The following SNRNP200 variants were observed in gnomAD, a reference collection of about 807,000 sequenced individuals.
The protein encoded by SNRNP200 is small nuclear ribonucleoprotein U5 subunit 200.
Under a neutral mutation model 255.2 loss-of-function variants are expected in SNRNP200, and 66 were observed. The observed-to-expected ratio is 0.26, with a 90% CI of 0.21 to 0.32. The LOEUF (loss-of-function observed/expected upper bound fraction) is 0.32, where lower values mean the gene tolerates loss of function less well. Ranked by LOEUF, SNRNP200 falls within the 10% of genes least tolerant of loss-of-function variation. SNRNP200 has a pLI of 1.00. For synonymous variants in SNRNP200, 939 were observed against 1,027.8 expected (o/e 0.91, Z 1.65); for missense variants, 1,585 against 2,749.8 (o/e 0.58, Z 9.47).
rs74911037 is a variant in SNRNP200 at position 96,285,901 on chromosome 2, A to G, written c.4003+410T>C. ...ATTCCTTTTAGGCTTGATGGGAGGA[A>G]TAAGAGAGAAAACACCGGTGATGTA... On this transcript the variant is annotated intron_variant, in intron 29 of 44. Transcript: ENST00000323853. Among the ~76,000 whole-genome samples, 33 of 152,308 alleles carry G rather than the reference A, an allele frequency of 2.2e-4. 1 individual carries two copies. The East Asian group carries it at 6.0e-3, about 28-fold the overall frequency.
chr2:96,289,802 G>A lies in SNRNP200; in HGVS notation c.2937C>T (p.Phe979=). Residue 979 remains phenylalanine, a synonymous_variant, in exon 21 of 45, where the codon TTC becomes TTT. Coordinates refer to ENST00000323853, the MANE Select transcript of SNRNP200 (RefSeq NM_014014.5). ...TCAAAACCCTCACCCCACGCACCTG[G>A]AAGTTGCCCGTCTTCTTGTCGTACT... ...LVKYDKKTGN[F]QVTELGRIAS... 1.2e-6 allele frequency: 2 copies of A among 1,614,004 alleles called. No homozygotes were observed. The highest frequency in any genetic ancestry group is 1.7e-6 in the Non-Finnish European group (2 of 1,180,018).
chr2:96,288,206 A>G (rs574313586), intron 24 of SNRNP200, among the ~76,000 whole-genome samples: 4 of 152,324 alleles, frequency 2.6e-5, no homozygotes, highest in African/African-American at 7.2e-5. Flanking sequence ...TTAACCTAAC[A>G]TTCACTGCAT....
In SNRNP200 at chr2:96,283,981, G is replaced by A. The variant is rs370894582; in HGVS notation, c.4416C>T (p.Ser1472=). The part of the protein sequence containing the change: ...ENGPVLEVIC[S]RMRYISSQIE... Reference sequence around the variant, plus strand: ...TCTGGGAGGAGATGTAGCGCATTCGGGAGCAGATCACTTCTAAGACAGGCT... The same window carrying A: ...TCTGGGAGGAGATGTAGCGCATTCGAGAGCAGATCACTTCTAAGACAGGCT... The change falls in exon 32 of 45, where the codon TCC becomes TCT. Residue 1472 remains serine, a synonymous_variant. Coordinates refer to ENST00000323853, the MANE Select transcript of SNRNP200 (RefSeq NM_014014.5). This position sits in a 1 kb window ranked among gnomAD's most constrained non-coding sequence, Gnocchi z 4.7. The A allele has an allele frequency of 5.0e-6, 8 of 1,595,628 alleles. No individual in the cohort carries two copies. The African/African-American group carries it at 1.1e-4, about 21-fold the overall frequency.
chr2:96,289,705 G>T (rs1043984039), intron 21 of SNRNP200, 94 bp downstream of exon 21: 9 of 1,069,672 alleles, frequency 8.4e-6, no homozygotes, highest in Non-Finnish European at 1.3e-5. Context: ...GATTAGATAG[G>T]CAGTACTCAC....
intron 5 of SNRNP200, among the ~76,000 whole-genome samples, chr2:96,299,825 T>C (rs1407966823): frequency 6.6e-6 from 1 of 152,232 alleles, no homozygotes; most frequent in Non-Finnish European, 1.5e-5. Flanking sequence ...TATTTACTCA[T>C]ACACTGCACA....
In SNRNP200 at chr2:96,305,380, A is replaced by G. The variant is rs1411207250; in HGVS notation, c.45+13T>C. ...CTCCTGAGCCTGGAATCCTTCCCCA[A>G]GACCAAACGCACCGCCTTGTACTCG... On this transcript the variant is annotated intron_variant, in intron 1 of 44. Transcript: ENST00000323853. The G allele has an allele frequency of 1.9e-6, 3 of 1,614,042 alleles. No individual in the cohort carries two copies.
chr2:96,274,785 C>T lies in SNRNP200; in HGVS notation c.*227G>A. 1.7e-6 allele frequency: 1 copy of T among 582,908 alleles called. No individual in the cohort carries two copies. Among genetic ancestry groups the T allele is most frequent in the Non-Finnish European group, 3.1e-6 (1 of 325,374 alleles). 36.1% of individuals were successfully genotyped at this position (582,908 alleles called of 1,614,324 possible). On this transcript the variant is annotated 3_prime_UTR_variant, in exon 45 of 45. Coordinates refer to ENST00000323853, the MANE Select transcript of SNRNP200 (RefSeq NM_014014.5). The stretch of plus-strand genomic sequence containing the variant: ...TCAGACTCAAAAGAACTACCAGGAA[C>T]ATGCCTGAAAATGCTATATATGATT...
intron 35 of SNRNP200, among the ~76,000 whole-genome samples, chr2:96,280,634 C>G (rs1405513367): frequency 1.3e-5 from 2 of 152,098 alleles, no homozygotes; most frequent in Non-Finnish European, 2.9e-5. Flanking sequence ...ACTGCAACCT[C>G]CGCCTCCTGG....
rs144934076 is a variant in SNRNP200, at chr2:96,286,417, G to A, written c.3897C>T (p.Thr1299=). ...LILPEKYPPP[T]ELLDLQPLPV... ...GCAAGGGCTGCAGGTCCAAAAGTTC[G>A]GTTGGAGGGGGGTACTTCTCCGGCA... is the stretch of plus-strand genomic sequence containing the variant. The change falls in exon 29 of 45, where the codon ACC becomes ACT. Residue 1299 remains threonine, a synonymous_variant. Transcript: ENST00000323853. The surrounding 1 kb of genome is among the most constrained non-coding windows in gnomAD (Gnocchi z 4.8). 72 of 1,614,052 alleles carry A rather than the reference G, an allele frequency of 4.5e-5. No individual in the cohort carries two copies. In the African/African-American group the frequency reaches 7.7e-4, roughly 17 times the overall value.
rs762481661 is a variant in SNRNP200, at chr2:96,298,321, T to C, written c.1082A>G (p.Tyr361Cys). ...CTCCTTCTCGGTTTCATGAAGCTGG[T>C]AGAGGAACTTGGATAGCTCTGGGTC... ...EADPELSKFLYQLHETEKEDL... is the reference protein window; with the variant it reads ...EADPELSKFLCQLHETEKEDL... Residue 361 changes from tyrosine to cysteine, a missense_variant, in exon 9 of 45, where the codon TAC becomes TGC. Coordinates refer to ENST00000323853, the MANE Select transcript of SNRNP200 (RefSeq NM_014014.5). 5.6e-6 allele frequency: 9 copies of C among 1,614,238 alleles called. No homozygotes were observed. Among genetic ancestry groups the C allele is most frequent in the Non-Finnish European group, 7.6e-6 (9 of 1,180,038 alleles).
chr2:96,278,090 G>A lies in SNRNP200; in HGVS notation c.5611-140C>T, dbSNP rs1447303222. ...GTGGGTGGTAATGGGATGGAGATGG[G>A]TTTGAGGGAGGTATGGAGCGGGAGG... On this transcript the variant is annotated intron_variant, in intron 39 of 44. Coordinates refer to ENST00000323853, the MANE Select transcript of SNRNP200 (RefSeq NM_014014.5). The surrounding 1 kb of genome is among the most constrained non-coding windows in gnomAD (Gnocchi z 6.9). 3 of 1,528,180 alleles carry A rather than the reference G, an allele frequency of 2.0e-6. No individual in the cohort carries two copies. In the East Asian group the frequency reaches 6.7e-5, roughly 34 times the overall value. The allele number at this position is 1,528,180 out of a possible 1,614,324, so 94.7% of individuals were successfully genotyped here.
In SNRNP200 at chr2:96,291,415, G is replaced by T. The variant is rs746930107; in HGVS notation, c.2398C>A (p.Leu800Ile). Residue 800 changes from leucine (L) to isoleucine (I), a missense_variant, in exon 18 of 45, where the codon CTT becomes ATT. By Grantham distance (5) the Leu-to-Ile change is conservative. This residue lies in a region of SNRNP200 where 140 missense variants were observed against 274.9 expected (regional missense o/e 0.51). Coordinates refer to ENST00000323853, the MANE Select transcript of SNRNP200 (RefSeq NM_014014.5). The surrounding 1 kb of genome is among the most constrained non-coding windows in gnomAD (Gnocchi z 4.2). ...TRVDRTLVEDLFADKHIQVLV... is the reference protein window; with the variant it reads ...TRVDRTLVEDIFADKHIQVLV... Reference sequence around the variant, plus strand: ...ACCTGAATATGTTTATCAGCAAAAAGATCCTCCACGAGTGTTCGGTCAACC... The same window carrying T: ...ACCTGAATATGTTTATCAGCAAAAATATCCTCCACGAGTGTTCGGTCAACC... 1 of 1,609,124 alleles carries T rather than the reference G, an allele frequency of 6.2e-7. No homozygotes were observed. Among genetic ancestry groups the T allele is most frequent in the Non-Finnish European group, 8.5e-7 (1 of 1,175,438 alleles).
At chr2:96,301,406 G>C in intron 4 of SNRNP200, 118 bp downstream of exon 4, 2 of 1,107,112 alleles carry the variant, frequency 1.8e-6, no homozygotes, top group African/African-American at 1.5e-5. Context: ...AAAAAACACA[G>C]AACAGATTAT....
chr2:96,289,506 C>T (rs2063870263), intron 21 of SNRNP200, 127 bp from the exon 22 acceptor site: 2 of 989,276 alleles, frequency 2.0e-6, no homozygotes, highest in Non-Finnish European at 3.1e-6. Context: ...GACCCAATGT[C>T]ATTATTGTCC....
In SNRNP200 at chr2:96,291,587, G is replaced by T; in HGVS notation, c.2311-85C>A. The T allele has an allele frequency of 8.1e-7, 1 of 1,234,306 alleles. No homozygotes were observed. Among genetic ancestry groups the T allele is most frequent in the Non-Finnish European group, 1.2e-6 (1 of 837,486 alleles). 76.5% of individuals were successfully genotyped at this position (1,234,306 alleles called of 1,614,324 possible). Reference sequence around the variant, plus strand: ...AGGAAATCTCCTCCCATGAGACCCTGCCCCTTAACTATTATGTGGAATAGT... The same window carrying T: ...AGGAAATCTCCTCCCATGAGACCCTTCCCCTTAACTATTATGTGGAATAGT... On this transcript the variant is annotated intron_variant, in intron 17 of 44. Coordinates refer to ENST00000323853, the MANE Select transcript of SNRNP200 (RefSeq NM_014014.5). The surrounding 1 kb of genome is among the most constrained non-coding windows in gnomAD (Gnocchi z 4.2).
Position 96,296,662 on chromosome 2 carries a change from C to T in SNRNP200, c.1545G>A (p.Met515Ile), listed in dbSNP as rs200363070. ...GTTTCCCAATCTCTCGGAGCATGCA[C>T]ATCAGGGCCACGTTGGTCTTCCCAG... is the stretch of plus-strand genomic sequence containing the variant. ...TGAGKTNVALMCMLREIGKHI... is the reference protein window; with the variant it reads ...TGAGKTNVALICMLREIGKHI... Residue 515 changes from methionine (M) to isoleucine (I), a missense_variant, in exon 13 of 45, where the codon ATG (methionine) becomes ATA (isoleucine). This residue lies in a region of SNRNP200 where 383 missense variants were observed against 645.3 expected (regional missense o/e 0.59). Coordinates refer to ENST00000323853, the MANE Select transcript of SNRNP200 (RefSeq NM_014014.5). 3.1e-6 allele frequency: 5 copies of T among 1,614,056 alleles called. No individual in the cohort carries two copies. The highest frequency in any genetic ancestry group is 1.1e-5 in the South Asian group (1 of 91,090).
chr2:96,297,803 T>A, intron 9 of SNRNP200, 83 bp from the exon 10 acceptor site: 2 of 1,436,802 alleles, frequency 1.4e-6, no homozygotes, highest in South Asian at 2.3e-5. Flanking sequence ...GCTTAGCTAA[T>A]ACTTGAGTCA....
At chr2:96,295,446 G>C in intron 14 of SNRNP200, 42 bp downstream of exon 14, 1 of 1,610,536 alleles carries the variant, frequency 6.2e-7, no homozygotes, top group Non-Finnish European at 8.5e-7. Flanking sequence ...AACCCGCCCT[G>C]ACACAACTGG....
Position 96,286,533 on chromosome 2 carries a change from A to G in SNRNP200, c.3830-49T>C. 6.2e-7 allele frequency: 1 copy of G among 1,607,612 alleles called. No individual in the cohort carries two copies. The highest frequency in any genetic ancestry group is 8.5e-7 in the Non-Finnish European group (1 of 1,175,760). ...ATATAAGCACTGCTCTCTTTCCCTCACTGGCCTCTAGATCCCCTCCATGAA... is the reference window on the plus strand; with the variant it reads ...ATATAAGCACTGCTCTCTTTCCCTCGCTGGCCTCTAGATCCCCTCCATGAA... On this transcript the variant is annotated intron_variant, in intron 28 of 44. Transcript: ENST00000323853. This position sits in a 1 kb window ranked among gnomAD's most constrained non-coding sequence, Gnocchi z 4.8.
Sources: gnomAD v4.1 joint callset for allele counts (sites outside exome capture counted in the v4.1 genomes callset) on GRCh38, gnomAD v4.1.1 for gene constraint, gnomAD v4.1.1 regional missense constraint, Gnocchi (gnomAD v3.1) non-coding constraint, MANE v1.5 for transcripts, NCBI Gene and HGNC (gene_info 2026-07-23, HGNC 2026-07-21) for gene names.